PABPC1L: variants seen among roughly 807,000 people sequenced by gnomAD.
PABPC1L encodes polyadenylate-binding protein 1-like.
PABPC1L carries 31 observed loss-of-function variants against 66.6 expected under a neutral mutation model. That is an observed-to-expected ratio of 0.47 (90% CI 0.35 to 0.63). PABPC1L has a LOEUF of 0.63. Ranked by LOEUF, PABPC1L falls within the 20% of genes least tolerant of loss-of-function variation. The pLI is 0.00. For synonymous variants in PABPC1L, 348 were observed against 335.1 expected (o/e 1.04, Z -0.42); for missense variants, 722 against 848.8 (o/e 0.85, Z 1.86).
chr20:44,910,288 C>T lies in PABPC1L; in HGVS notation c.145C>T (p.Arg49Trp), dbSNP rs1477373401. ...CCGCGTGTGCCGCGATGTAGCCACC[C>T]GGCGCTCGCTGGGCTACGCCTACAT... is the stretch of plus-strand genomic sequence containing the variant. ...SIRVCRDVAT[R>W]RSLGYAYINF... Residue 49 changes from arginine (R) to tryptophan (W), a missense_variant, in exon 1 of 15, where the codon CGG becomes TGG. Physicochemically the swap from Arg to Trp is moderately radical, Grantham distance 101. Around this residue, in one of 3 missense-constraint regions of PABPC1L, gnomAD observed 284 missense variants for 294.8 expected, o/e 0.96. Coordinates refer to ENST00000217073, the MANE Select transcript of PABPC1L (RefSeq NM_001372179.1). 1.3e-6 allele frequency: 2 copies of T among 1,549,168 alleles called. No individual in the cohort carries two copies. Among genetic ancestry groups the T allele is most frequent in the African/African-American group, 1.4e-5 (1 of 72,600 alleles).
In PABPC1L at chr20:44,910,227, T is replaced by C. The variant is rs1008322006; in HGVS notation, c.84T>C (p.Tyr28=). 2.5e-6 allele frequency: 4 copies of C among 1,575,608 alleles called. No homozygotes were observed. The highest frequency in any genetic ancestry group is 1.7e-4 in the Middle Eastern group (1 of 6,042). ...CCGACGTGACCGAGGCCATGCTCTA[T>C]GAGAAGTTCTCTCCCGCCGGCCCCA... ...LHPDVTEAML[Y]EKFSPAGPIL... is the part of the protein sequence containing the mutation. The change falls in exon 1 of 15, where the codon TAT becomes TAC. Residue 28 remains tyrosine, a synonymous_variant. Transcript: ENST00000217073.
chr20:44,910,283 C>G lies in PABPC1L; in HGVS notation c.140C>G (p.Ala47Gly). The change falls in exon 1 of 15, where the codon GCC (alanine) becomes GGC (glycine). Residue 47 changes from alanine to glycine, a missense_variant. Ala to Gly is a moderately conservative substitution (Grantham distance 60, BLOSUM62 0). Around this residue, in one of 3 missense-constraint regions of PABPC1L, gnomAD observed 284 missense variants for 294.8 expected, o/e 0.96. Coordinates refer to ENST00000217073, the MANE Select transcript of PABPC1L (RefSeq NM_001372179.1). ...ILSIRVCRDVATRRSLGYAYI... is the reference protein window; with the variant it reads ...ILSIRVCRDVGTRRSLGYAYI... The stretch of plus-strand genomic sequence containing the variant: ...TCCATCCGCGTGTGCCGCGATGTAG[C>G]CACCCGGCGCTCGCTGGGCTACGCC... 1 of 1,550,324 alleles carries G rather than the reference C, an allele frequency of 6.5e-7. No homozygotes were observed. The highest frequency in any genetic ancestry group is 8.7e-7 in the Non-Finnish European group (1 of 1,146,256).
intron 7 of PABPC1L, 34 bp downstream of exon 7, chr20:44,924,290 T>C: frequency 6.9e-7 from 1 of 1,456,706 alleles, no homozygotes; most frequent in South Asian, 1.1e-5. Flanking sequence ...GGGACAGCGT[T>C]CCCCTCCATC....
rs759956001 is a variant in PABPC1L at position 44,938,066 on chromosome 20, C to T, written c.1666C>T (p.Arg556Cys). The T allele has an allele frequency of 6.8e-6, 11 of 1,614,120 alleles. No homozygotes were observed. The highest frequency in any genetic ancestry group is 6.7e-5 in the East Asian group (3 of 44,872). ...LHEQKQMIGE[R>C]LYPLIHDVHT... ...TTAGAAGGTGTTCCACACAGGGGAG[C>T]GTCTCTACCCCCTTATCCATGATGT... Residue 556 changes from arginine to cysteine, a missense_variant, in exon 13 of 15, where the codon CGT becomes TGT. Physicochemically the swap from Arg to Cys is radical, Grantham distance 180 (BLOSUM62 -3). Transcript: ENST00000217073.
chr20:44,912,033 G>A (rs1229530687), intron 1 of PABPC1L, among the ~76,000 whole-genome samples: 1 of 152,152 alleles, frequency 6.6e-6, no homozygotes, highest in South Asian at 2.1e-4. Context: ...TACAAACAAG[G>A]CACTTTTACA....
intron 3 of PABPC1L, among the ~76,000 whole-genome samples, chr20:44,917,857 T>C (rs1257669358): frequency 6.6e-6 from 1 of 152,238 alleles, no homozygotes; most frequent in Non-Finnish European, 1.5e-5. Context: ...TGCTCTTCGT[T>C]AGCTCCAATT....
At position 44,918,982 on chromosome 20, in the gene PABPC1L, T is replaced by G; in HGVS notation, c.580T>G (p.Tyr194Asp). 6.2e-7 allele frequency: 1 copy of G among 1,613,568 alleles called. No individual in the cohort carries two copies. The highest frequency in any genetic ancestry group is 8.5e-7 in the Non-Finnish European group (1 of 1,179,742). ...GARALEFTNI[Y>D]VKNLPVDVDE... ...GCGGGCCCTGGAGTTCACCAACATCTACGTGAAGAACCTCCCGGTGGATGT... is the reference window on the plus strand; with the variant it reads ...GCGGGCCCTGGAGTTCACCAACATCGACGTGAAGAACCTCCCGGTGGATGT... The change falls in exon 4 of 15, where the codon TAC becomes GAC. Residue 194 changes from tyrosine to aspartate, a missense_variant. Tyr to Asp is a radical substitution (Grantham distance 160). Around this residue, in one of 3 missense-constraint regions of PABPC1L, gnomAD observed 284 missense variants for 294.8 expected, o/e 0.96. Transcript: ENST00000217073.
In PABPC1L at chr20:44,921,717, C is replaced by T; in HGVS notation, c.862C>T (p.Leu288=). The change falls in exon 6 of 15, where the codon CTG becomes TTG. Residue 288 remains leucine (L), a synonymous_variant. Coordinates refer to ENST00000217073, the MANE Select transcript of PABPC1L (RefSeq NM_001372179.1). The part of the protein sequence containing the change: ...RRFEQMKQDR[L]RRYQGVNLYV... ...GTTTGAGCAGATGAAGCAGGACCGG[C>T]TGAGGCGTTACCAGGTGAGGTCAGG... 4 of 1,613,460 alleles carry T rather than the reference C, an allele frequency of 2.5e-6. No individual in the cohort carries two copies. Among genetic ancestry groups the T allele is most frequent in the Non-Finnish European group, 3.4e-6 (4 of 1,179,764 alleles).
intron 3 of PABPC1L, 112 bp downstream of exon 3, chr20:44,916,983 C>A: frequency 1.0e-6 from 1 of 962,314 alleles, no homozygotes; most frequent in Non-Finnish European, 1.6e-6. Context: ...GGCACTTGAG[C>A]GGCAGGCAGC....
intron 10 of PABPC1L, 47 bp from the exon 11 acceptor site, chr20:44,935,344 G>T: frequency 7.1e-7 from 1 of 1,410,546 alleles, no homozygotes; most frequent in Non-Finnish European, 1.0e-6. Flanking sequence ...TTGGATAGCA[G>T]CTATTTGAAC....
rs548443054 is a variant in PABPC1L, at chr20:44,929,494, G to A, written c.973-966G>A. ...TACCATGTTCACATTGGGGGAAACT[G>A]GGTGAAAGATATACAGCAGGCCAGG... On this transcript the variant is annotated intron_variant, in intron 7 of 14. Coordinates refer to ENST00000217073, the MANE Select transcript of PABPC1L (RefSeq NM_001372179.1). Among the ~76,000 whole-genome samples the A allele has an allele frequency of 2.0e-5, 3 of 152,064 alleles. No individual in the cohort carries two copies. In the South Asian group the frequency reaches 6.2e-4, roughly 32 times the overall value.
chr20:44,936,544 G>A, intron 11 of PABPC1L, 93 bp from the exon 12 acceptor site: 2 of 1,054,590 alleles, frequency 1.9e-6, no homozygotes, highest in East Asian at 2.6e-5. Flanking sequence ...CTCCTCCAGT[G>A]CCTCCCTGGC....
At position 44,931,069 on chromosome 20, in the gene PABPC1L, C is replaced by T. The variant is rs1568650127; in HGVS notation, c.1239+343C>T. Among the ~76,000 whole-genome samples the T allele has an allele frequency of 6.4e-3, 384 of 59,970 alleles. 17 individuals carry two copies. The highest frequency in any genetic ancestry group is 0.019 in the African/African-American group (373 of 19,472). 39.3% of individuals were successfully genotyped at this position (59,970 alleles called of 152,430 possible). ...CCTTCCCTTCCCTTCCCTTCCCTCC[C>T]TCCCTCCCTCCCTCCCTCCCTTCCT... On this transcript the variant is annotated intron_variant, in intron 8 of 14. Transcript: ENST00000217073.
At chr20:44,926,874 T>C (rs1334617189) in intron 7 of PABPC1L, among the ~76,000 whole-genome samples, 1 of 150,696 alleles carries the variant, frequency 6.6e-6, no homozygotes, top group Non-Finnish European at 1.5e-5. Context: ...TATATTTTGG[T>C]TTATTATTAT....
chr20:44,932,642 G>A, intron 9 of PABPC1L: 1 of 520,392 alleles, frequency 1.9e-6, no homozygotes, highest in East Asian at 3.0e-5. Flanking sequence ...AAGACACGCA[G>A]CTAGCCACCA....
chr20:44,935,099 GT>G (rs925744075), intron 10 of PABPC1L, among the ~76,000 whole-genome samples: 15 of 151,462 alleles, frequency 9.9e-5, no homozygotes, highest in African/African-American at 3.6e-4. Flanking sequence ...GAAAATGTTT[GT>G]ACAAATAGCT....
At chr20:44,916,472 C>T (rs917197237) in intron 2 of PABPC1L, among the ~76,000 whole-genome samples, 2 of 152,152 alleles carry the variant, frequency 1.3e-5, no homozygotes, top group Admixed American at 6.5e-5. Flanking sequence ...CAGGGTTGCA[C>T]CATGTTGTCC....
chr20:44,915,030 G>A (rs886880246), intron 2 of PABPC1L, among the ~76,000 whole-genome samples: 4 of 152,236 alleles, frequency 2.6e-5, no homozygotes, highest in Admixed American at 6.5e-5. Flanking sequence ...CCCAGTCAAC[G>A]TGGTTAAATC....
rs1457625003 is a variant in PABPC1L at position 44,912,695 on chromosome 20, C to G, written c.229C>G (p.Leu77Val). The change falls in exon 2 of 15, where the codon CTC becomes GTC. Residue 77 changes from leucine (L) to valine (V), a missense_variant. Coordinates refer to ENST00000217073, the MANE Select transcript of PABPC1L (RefSeq NM_001372179.1). ...ACTGGACACAATGAACTTTGAGATG[C>G]TCAAAGGCCAGCCTATTCGCATCAT... is the stretch of plus-strand genomic sequence containing the variant. ...RALDTMNFEM[L>V]KGQPIRIMWS... The G allele has an allele frequency of 6.2e-7, 1 of 1,613,988 alleles. No homozygotes were observed. Among genetic ancestry groups the G allele is most frequent in the South Asian group, 1.1e-5 (1 of 91,068 alleles).
Sources: gnomAD v4.1 joint callset for allele counts (sites outside exome capture counted in the v4.1 genomes callset) on GRCh38, gnomAD v4.1.1 for gene constraint, gnomAD v4.1.1 regional missense constraint, MANE v1.5 for transcripts, NCBI Gene and HGNC (gene_info 2026-07-23, HGNC 2026-07-21) for gene names.